Variants in GALNT13 observed in about 807,000 individuals in gnomAD.
GALNT13 encodes the protein polypeptide N-acetylgalactosaminyltransferase 13.
In GALNT13, 28 loss-of-function variants were observed where a neutral mutation model predicts 64.2. The observed-to-expected ratio is 0.44, with a 90% CI of 0.32 to 0.60. The LOEUF (loss-of-function observed/expected upper bound fraction) is 0.60, where lower values mean the gene tolerates loss of function less well. Ranked by LOEUF, GALNT13 falls within the 20% of genes least tolerant of loss-of-function variation. The pLI, the probability that GALNT13 is intolerant of heterozygous loss-of-function variation, is 0.05. For missense variants in GALNT13, 577 were observed against 669.8 expected (o/e 0.86, Z 1.53); for synonymous variants, 214 against 224.6 (o/e 0.95, Z 0.42).
chr2:153,772,312 C>T, the GALNT13 span, among the ~76,000 whole-genome samples: 3 of 152,254 alleles, frequency 2.0e-5, no homozygotes, highest in East Asian at 5.8e-4. Context: ...ACAGCTTTTC[C>T]CATTATCTTT....
the GALNT13 span, among the ~76,000 whole-genome samples, chr2:153,258,029 G>A: frequency 1.3e-5 from 2 of 152,266 alleles, no homozygotes; most frequent in African/African-American, 4.8e-5. Flanking sequence ...GGGACCTGAA[G>A]AAGAGAGGAA....
the GALNT13 span, among the ~76,000 whole-genome samples, chr2:153,637,410 G>C: frequency 1.3e-5 from 2 of 152,108 alleles, no homozygotes; most frequent in East Asian, 3.9e-4. Flanking sequence ...TCCTTTTCCT[G>C]CCTTTTTTTG....
chr2:153,621,764 G>T, the GALNT13 span, among the ~76,000 whole-genome samples: 22 of 152,080 alleles, frequency 1.4e-4, no homozygotes, highest in African/African-American at 5.1e-4. Context: ...CAGATTACCA[G>T]CCAGTGTTAT....
chr2:153,543,591 A>T, the GALNT13 span, among the ~76,000 whole-genome samples: 1 of 152,186 alleles, frequency 6.6e-6, no homozygotes, highest in Non-Finnish European at 1.5e-5. Context: ...TTCTCAGAAG[A>T]GGTGGTGGCT....
the GALNT13 span, among the ~76,000 whole-genome samples, chr2:153,757,625 T>A: frequency 2.6e-5 from 4 of 152,120 alleles, no homozygotes; most frequent in African/African-American, 9.7e-5. Context: ...GTTCTCTTTC[T>A]CCACACCCTC....
chr2:154,416,117 A>G lies in GALNT13; in HGVS notation c.1395+7035A>G, dbSNP rs150142246. Among the ~76,000 whole-genome samples, 103 of 152,228 alleles carry G rather than the reference A, an allele frequency of 6.8e-4. 1 individual carries two copies. Among genetic ancestry groups the G allele is most frequent in the East Asian group, 2.9e-3 (15 of 5,180 alleles). On this transcript the variant is annotated intron_variant, in intron 11 of 12. Coordinates refer to ENST00000392825, the MANE Select transcript of GALNT13 (RefSeq NM_052917.4). ...GGGAGAACTTCTCTGGTCTTTGCTGACTTTGTCCTCCTGTCAGGAGATTAT... is the reference window on the plus strand; with the variant it reads ...GGGAGAACTTCTCTGGTCTTTGCTGGCTTTGTCCTCCTGTCAGGAGATTAT...
chr2:153,579,993 A>G, the GALNT13 span, among the ~76,000 whole-genome samples: 3 of 152,154 alleles, frequency 2.0e-5, no homozygotes, highest in Non-Finnish European at 2.9e-5. Context: ...CGGCTCAAAT[A>G]TGGTGAATTG....
At chr2:153,441,237 T>G in the GALNT13 span, among the ~76,000 whole-genome samples, 1 of 152,202 alleles carries the variant, frequency 6.6e-6, no homozygotes, top group Non-Finnish European at 1.5e-5. Flanking sequence ...GTATCAGGTT[T>G]GTCAAAAAAC....
At chr2:153,829,634 C>T in the GALNT13 span, among the ~76,000 whole-genome samples, 1 of 152,084 alleles carries the variant, frequency 6.6e-6, no homozygotes, top group African/African-American at 2.4e-5. Context: ...CCATATCTGA[C>T]TTCCATAGTT....
the GALNT13 span, among the ~76,000 whole-genome samples, chr2:153,685,381 C>T: frequency 6.6e-6 from 1 of 152,006 alleles, no homozygotes; most frequent in Non-Finnish European, 1.5e-5. Context: ...GATGATATCT[C>T]ATTGTGGTTT....
chr2:154,437,208 C>T (rs777546951), intron 11 of GALNT13: 3 of 159,018 alleles, frequency 1.9e-5, no homozygotes, highest in African/African-American at 4.8e-5. Context: ...ACCCAGCCCC[C>T]CATAATTTCC....
the GALNT13 span, among the ~76,000 whole-genome samples, chr2:153,625,847 A>G: frequency 6.6e-6 from 1 of 152,010 alleles, no homozygotes. Flanking sequence ...TCAGACCCAT[A>G]TCAGCCATTG....
chr2:154,193,051 A>G (rs2105760604), intron 4 of GALNT13, among the ~76,000 whole-genome samples: 1 of 152,328 alleles, frequency 6.6e-6, no homozygotes, highest in South Asian at 2.1e-4. Flanking sequence ...TGACTAAACT[A>G]TTAGTGTGTG....
chr2:154,297,810 T>C (rs571675166), intron 8 of GALNT13, among the ~76,000 whole-genome samples: 1 of 152,300 alleles, frequency 6.6e-6, no homozygotes, highest in East Asian at 1.9e-4. Flanking sequence ...GTTATTTATT[T>C]TACTTTACTT....
the GALNT13 span, among the ~76,000 whole-genome samples, chr2:153,758,606 C>A: frequency 1.3e-5 from 2 of 151,996 alleles, no homozygotes; most frequent in African/African-American, 4.8e-5. Context: ...ATTTATTTAT[C>A]TACTGAGACA....
chr2:153,487,922 A>T, the GALNT13 span, among the ~76,000 whole-genome samples: 1 of 152,200 alleles, frequency 6.6e-6, no homozygotes, highest in East Asian at 1.9e-4. Flanking sequence ...AAGGGCTTTA[A>T]GCAGCAGACT....
At chr2:154,342,560 A>T (rs1187967042) in intron 9 of GALNT13, among the ~76,000 whole-genome samples, 1 of 151,990 alleles carries the variant, frequency 6.6e-6, no homozygotes, top group African/African-American at 2.4e-5. Flanking sequence ...TAAGTATATT[A>T]TATCAAAATT....
At chr2:153,153,720 C>G in the GALNT13 span, among the ~76,000 whole-genome samples, 139 of 131,448 alleles carry the variant, frequency 1.1e-3, 1 homozygote, top group African/African-American at 4.0e-3. Context: ...GGTATGTGGT[C>G]TTATTTCTGG....
At chr2:153,903,841 A>G (rs879935886) in intron 2 of GALNT13, among the ~76,000 whole-genome samples, 15 of 151,988 alleles carry the variant, frequency 9.9e-5, no homozygotes, top group African/African-American at 2.7e-4. Context: ...GCAAAGACCC[A>G]TGTAACCATC....
Sources: allele counts gnomAD v4.1 joint callset (sites outside exome capture counted in the v4.1 genomes callset), GRCh38; gene constraint gnomAD v4.1.1; transcripts MANE v1.5; gene names NCBI Gene and HGNC (gene_info 2026-07-23, HGNC 2026-07-21).